SLC5A11: variants seen among roughly 807,000 people sequenced by gnomAD.
SLC5A11 encodes the protein solute carrier family 5 member 11, also known as sodium/myo-inositol cotransporter 2.
Under a neutral mutation model 69.8 loss-of-function variants are expected in SLC5A11, and 48 were observed. The ratio of observed to expected loss-of-function variants is 0.69; its 90% CI spans 0.55 to 0.87. The LOEUF (loss-of-function observed/expected upper bound fraction) is 0.87, where lower values mean the gene tolerates loss of function less well. SLC5A11 is among the 40% of genes least tolerant of loss of function. SLC5A11 has a pLI of 0.00. For missense variants in SLC5A11, 784 were observed against 866.1 expected, an observed-to-expected ratio of 0.91 and a Z score of 1.19; for synonymous variants, 319 against 342.4, an observed-to-expected ratio of 0.93 and a Z score of 0.75.
chr16:24,898,080 C>T, exon 10 of SLC5A11: 1 of 1,614,112 alleles, frequency 6.2e-7, no homozygotes, highest in Non-Finnish European at 8.5e-7. Flanking sequence ...ATGGTGTTCC[C>T]TGGGATGGTC....
intron 2 of SLC5A11, among the ~76,000 whole-genome samples, chr16:24,858,999 A>G (rs1408699413): frequency 6.6e-6 from 1 of 152,218 alleles, no homozygotes; most frequent in Non-Finnish European, 1.5e-5. Context: ...TTTCTCATGT[A>G]ATTTTCACAG....
intron 5 of SLC5A11, among the ~76,000 whole-genome samples, chr16:24,874,230 T>C (rs1436099723): frequency 6.6e-6 from 1 of 152,244 alleles, no homozygotes; most frequent in Non-Finnish European, 1.5e-5. Context: ...TCCATTCTGT[T>C]GTGCATGGGC....
intron 2 of SLC5A11, among the ~76,000 whole-genome samples, chr16:24,860,263 G>A (rs1174198531): frequency 1.3e-5 from 2 of 152,058 alleles, no homozygotes; most frequent in East Asian, 3.9e-4. Flanking sequence ...CTCCAGCCTG[G>A]GCGACAGAGT....
At chr16:24,849,869 C>T (rs1336356763) in intron 1 of SLC5A11, among the ~76,000 whole-genome samples, 1 of 151,770 alleles carries the variant, frequency 6.6e-6, no homozygotes, top group Non-Finnish European at 1.5e-5. Flanking sequence ...AGCCGTGGCT[C>T]TTGCTAACGG....
exon 6 of SLC5A11, chr16:24,875,664 G>A: frequency 2.5e-6 from 4 of 1,613,944 alleles, no homozygotes; most frequent in Non-Finnish European, 3.4e-6. Context: ...AAGCGCTTCG[G>A]TGGCATCAGA....
exon 10 of SLC5A11, chr16:24,898,066 C>G (rs1380083761): frequency 6.2e-7 from 1 of 1,614,160 alleles, no homozygotes; most frequent in Admixed American, 1.7e-5. Context: ...TGCCCCTCTT[C>G]ATAATGGTGT....
At position 24,870,251 on chromosome 16, in the gene SLC5A11, G is replaced by A. The variant is rs535790937; in HGVS notation, c.312+246G>A. Among the ~76,000 whole-genome samples, 12 of 151,664 alleles carry A rather than the reference G, an allele frequency of 7.9e-5. No homozygotes were observed. The East Asian group carries it at 9.9e-4, about 12-fold the overall frequency. ...CTACTAAAAATACAAAAAATTAGCCGAGTGTAATGGCGGGCGCCGTAATCC... is the reference window on the plus strand; with the variant it reads ...CTACTAAAAATACAAAAAATTAGCCAAGTGTAATGGCGGGCGCCGTAATCC... On this transcript the variant is annotated intron_variant, in intron 4 of 15. Coordinates refer to ENST00000347898, the Ensembl canonical transcript of SLC5A11.
chr16:24,847,745 G>T (rs1244971965), intron 1 of SLC5A11, among the ~76,000 whole-genome samples: 3 of 152,230 alleles, frequency 2.0e-5, no homozygotes, highest in South Asian at 4.1e-4. Flanking sequence ...CTGCAGATAG[G>T]ACTTGGAAAA....
rs148717591 is a variant in SLC5A11, at chr16:24,898,014, A to G, written c.911A>G (p.His304Arg). 1.1e-5 allele frequency: 18 copies of G among 1,614,006 alleles called. No individual in the cohort carries two copies. The African/African-American group carries it at 2.1e-4, about 19-fold the overall frequency. The stretch of plus-strand genomic sequence containing the variant: ...ACTCTGGCTGCCAAGAACCTGTCCC[A>G]TGCCAAAGGAGGTGCTCTGATGGCT... The change falls in exon 10 of 16, where the codon CAT (histidine) becomes CGT (arginine). Residue 304 changes from histidine to arginine, a missense_variant. By Grantham distance (29) the His-to-Arg change is conservative. This residue lies in a region of SLC5A11 where 550 missense variants were observed against 606.4 expected (regional missense o/e 0.91). Transcript: ENST00000347898.
intron 4 of SLC5A11, among the ~76,000 whole-genome samples, chr16:24,871,768 T>G (rs1443234721): frequency 6.6e-6 from 1 of 152,172 alleles, no homozygotes; most frequent in African/African-American, 2.4e-5. Flanking sequence ...GATATGCCCA[T>G]TTTCCAGGTG....
intron 1 of SLC5A11, among the ~76,000 whole-genome samples, chr16:24,858,246 C>T (rs2059616731): frequency 6.6e-6 from 1 of 152,220 alleles, no homozygotes; most frequent in African/African-American, 2.4e-5. Flanking sequence ...ACTTGACTCT[C>T]ACCCAGCTGT....
chr16:24,894,806 C>T (rs2049039988), intron 9 of SLC5A11, among the ~76,000 whole-genome samples: 1 of 147,982 alleles, frequency 6.8e-6, no homozygotes, highest in Admixed American at 6.8e-5. Context: ...TCCCAAAAAA[C>T]AAACAAACAA....
chr16:24,857,692 T>C (rs1438536414), intron 1 of SLC5A11, among the ~76,000 whole-genome samples: 1 of 152,244 alleles, frequency 6.6e-6, no homozygotes, highest in Non-Finnish European at 1.5e-5. Context: ...TTTACTGTGA[T>C]TACATGGGGC....
At chr16:24,869,123 C>G (rs1182325366) in intron 3 of SLC5A11, among the ~76,000 whole-genome samples, 4 of 152,134 alleles carry the variant, frequency 2.6e-5, no homozygotes, top group Admixed American at 6.6e-5. Context: ...CTGCCTCAGC[C>G]TCCCAAGGTG....
intron 7 of SLC5A11, among the ~76,000 whole-genome samples, chr16:24,882,554 G>A (rs1023889683): frequency 1.3e-5 from 2 of 152,196 alleles, no homozygotes; most frequent in African/African-American, 4.8e-5. Flanking sequence ...CAGGGAAGGA[G>A]GAAGAACAGA....
intron 5 of SLC5A11, among the ~76,000 whole-genome samples, chr16:24,874,622 G>C (rs987543778): frequency 6.6e-6 from 1 of 152,054 alleles, no homozygotes; most frequent in Non-Finnish European, 1.5e-5. Flanking sequence ...GCAGTGGCGT[G>C]CCCTCAGCTC....
intron 6 of SLC5A11, among the ~76,000 whole-genome samples, chr16:24,876,060 G>A (rs990687287): frequency 6.6e-6 from 1 of 152,120 alleles, no homozygotes; most frequent in African/African-American, 2.4e-5. Context: ...GCCAGGCGTG[G>A]TGGCTGATGC....
At chr16:24,875,629 C>T (rs368702172) in exon 6 of SLC5A11, 2 of 1,613,000 alleles carry the variant, frequency 1.2e-6, no homozygotes, top group African/African-American at 2.7e-5. Context: ...GCCCTCAGGT[C>T]ACCACGATGC....
intron 1 of SLC5A11, 76 bp from the exon 3 acceptor site, chr16:24,858,544 T>C (rs1189653487): frequency 4.3e-6 from 6 of 1,391,526 alleles, no homozygotes; most frequent in Non-Finnish European, 5.9e-6. Context: ...ATGGATGGCC[T>C]AGGGAGGTAG....
Sources: allele counts gnomAD v4.1 joint callset (sites outside exome capture counted in the v4.1 genomes callset), GRCh38; gene constraint gnomAD v4.1.1; regional missense constraint gnomAD v4.1.1; transcripts MANE v1.5; gene names NCBI Gene and HGNC (gene_info 2026-07-23, HGNC 2026-07-21).